The following SUGCT variants were observed in gnomAD, a reference collection of about 807,000 sequenced individuals.
SUGCT encodes succinyl-CoA:glutarate-CoA transferase, also known as succinyl-CoA:glutarate CoA-transferase.
In SUGCT, 41 loss-of-function variants were observed where a neutral mutation model predicts 55.0. The ratio of observed to expected loss-of-function variants is 0.74; its 90% CI spans 0.58 to 0.97. The LOEUF (loss-of-function observed/expected upper bound fraction) is 0.97. Among genes scored for constraint, SUGCT ranks in the 50% least tolerant of loss-of-function variants. The probability of loss-of-function intolerance (pLI) is 0.00; values close to 1 mark genes in which losing one functional copy is unlikely to be tolerated. For synonymous variants in SUGCT, 187 were observed against 200.4 expected (o/e 0.93, Z 0.56); for missense variants, 568 against 547.8 (o/e 1.04, Z -0.37).
chr7:40,184,680 T>A (rs1785398603), intron 3 of SUGCT, among the ~76,000 whole-genome samples: 1 of 152,130 alleles, frequency 6.6e-6, no homozygotes, highest in Non-Finnish European at 1.5e-5. Flanking sequence ...GCATTATTAT[T>A]TATGTTTCAA....
chr7:40,930,504 C>T, the SUGCT span, among the ~76,000 whole-genome samples: 1 of 152,132 alleles, frequency 6.6e-6, no homozygotes, highest in South Asian at 2.1e-4. Flanking sequence ...CTATAAATTA[C>T]CTTGGGCAGT....
chr7:40,471,916 A>G (rs1790421605), intron 11 of SUGCT, among the ~76,000 whole-genome samples: 1 of 152,162 alleles, frequency 6.6e-6, no homozygotes, highest in South Asian at 2.1e-4. Context: ...ATACTTCACA[A>G]AAACTGAAAA....
chr7:40,621,405 T>G (rs1799258560), intron 12 of SUGCT, among the ~76,000 whole-genome samples: 1 of 152,166 alleles, frequency 6.6e-6, no homozygotes, highest in African/African-American at 2.4e-5. Context: ...GCTGAGCTGC[T>G]TTTTATTCCC....
chr7:40,683,354 T>C (rs1784334636), intron 12 of SUGCT, among the ~76,000 whole-genome samples: 1 of 152,180 alleles, frequency 6.6e-6, no homozygotes, highest in South Asian at 2.1e-4. Context: ...AGGTTAGTTT[T>C]TCCACCTGTG....
At chr7:40,572,767 G>A (rs763410890) in intron 12 of SUGCT, among the ~76,000 whole-genome samples, 24 of 152,092 alleles carry the variant, frequency 1.6e-4, no homozygotes, top group African/African-American at 2.2e-4. Context: ...CAATTTCAGG[G>A]ATGCTGTGAT....
At chr7:40,888,896 C>T in the SUGCT span, among the ~76,000 whole-genome samples, 1 of 152,230 alleles carries the variant, frequency 6.6e-6, no homozygotes, top group Non-Finnish European at 1.5e-5. Flanking sequence ...GTTTCTGGAA[C>T]CAGAGCCATG....
At chr7:40,269,885 C>G (rs541846866) in intron 7 of SUGCT, among the ~76,000 whole-genome samples, 5 of 151,922 alleles carry the variant, frequency 3.3e-5, no homozygotes, top group Non-Finnish European at 7.4e-5. Flanking sequence ...GCCTTTAATC[C>G]CAGCACTTTG....
At chr7:40,515,139 G>A (rs1793164410) in intron 12 of SUGCT, among the ~76,000 whole-genome samples, 2 of 151,894 alleles carry the variant, frequency 1.3e-5, no homozygotes, top group African/African-American at 2.4e-5. Context: ...ATCAAAACAC[G>A]GAGCTGTTCC....
At chr7:40,614,563 G>A (rs1798905346) in intron 12 of SUGCT, among the ~76,000 whole-genome samples, 1 of 152,170 alleles carries the variant, frequency 6.6e-6, no homozygotes, top group South Asian at 2.1e-4. Context: ...AGGTGCACCA[G>A]CTTAATGGTA....
intron 12 of SUGCT, among the ~76,000 whole-genome samples, chr7:40,580,374 G>T (rs772785701): frequency 4.9e-4 from 74 of 152,100 alleles, no homozygotes; most frequent in Non-Finnish European, 2.2e-4. Flanking sequence ...TGTCCTATTA[G>T]CATTTAAACT....
At chr7:40,475,810 A>C (rs183358474) in intron 11 of SUGCT, among the ~76,000 whole-genome samples, 1 of 152,320 alleles carries the variant, frequency 6.6e-6, no homozygotes, top group Non-Finnish European at 1.5e-5. Flanking sequence ...AGAGGTGCTC[A>C]CTACTAAGTC....
chr7:41,005,261 A>G, the SUGCT span, among the ~76,000 whole-genome samples: 35 of 152,250 alleles, frequency 2.3e-4, no homozygotes, highest in Middle Eastern at 3.4e-3. Context: ...AGCTGAAGGT[A>G]TGCTCTGTGT....
chr7:40,142,377 T>A lies in SUGCT; in HGVS notation c.100+7257T>A, dbSNP rs183924657. On this transcript the variant is annotated intron_variant, in intron 1 of 13. Transcript: ENST00000335693. Reference sequence around the variant, plus strand: ...CTCTTGCATTTCCTTACGGCTCTTTTTCTTCAAACTTCTTTAACATGTCTT... The same window carrying A: ...CTCTTGCATTTCCTTACGGCTCTTTATCTTCAAACTTCTTTAACATGTCTT... Among the ~76,000 whole-genome samples, 984 of 152,362 alleles carry A rather than the reference T, an allele frequency of 6.5e-3. 34 individuals are homozygous for A. The highest frequency in any genetic ancestry group is 0.059 in the Admixed American group (905 of 15,302).
At chr7:40,336,744 C>T (rs896057845) in intron 9 of SUGCT, among the ~76,000 whole-genome samples, 1 of 152,070 alleles carries the variant, frequency 6.6e-6, no homozygotes, top group African/African-American at 2.4e-5. Flanking sequence ...GTGTCTCTAT[C>T]TCCTTCAGTT....
intron 12 of SUGCT, among the ~76,000 whole-genome samples, chr7:40,598,312 A>G (rs546491067): frequency 3.7e-4 from 56 of 152,302 alleles, no homozygotes; most frequent in African/African-American, 1.3e-3. Context: ...AGTTAGAGTG[A>G]TGATTCAGCC....
chr7:40,435,383 G>A (rs561939457), intron 9 of SUGCT, among the ~76,000 whole-genome samples: 496 of 152,232 alleles, frequency 3.3e-3, no homozygotes, highest in Non-Finnish European at 3.6e-3. Context: ...GCCTTTTTCA[G>A]TTGGTCCTTA....
At chr7:40,861,818 A>C (rs572220595), downstream of SUGCT, among the ~76,000 whole-genome samples, 1 of 152,156 alleles carries the variant, frequency 6.6e-6, no homozygotes, top group Non-Finnish European at 1.5e-5. Context: ...CTTTTTGTGG[A>C]CATCTTATTC....
intron 13 of SUGCT, among the ~76,000 whole-genome samples, chr7:40,820,674 A>G (rs1374275801): frequency 4.6e-5 from 7 of 152,280 alleles, no homozygotes; most frequent in East Asian, 3.9e-4. Context: ...GGCTGAGACA[A>G]TGGGGTTTTC....
chr7:41,036,012 G>A, the SUGCT span, among the ~76,000 whole-genome samples: 10 of 152,240 alleles, frequency 6.6e-5, no homozygotes, highest in African/African-American at 2.4e-4. Context: ...TCAACAGACA[G>A]ATGAGCGTCT....
Sources: gnomAD v4.1 joint callset for allele counts (sites outside exome capture counted in the v4.1 genomes callset) on GRCh38, gnomAD v4.1.1 for gene constraint, MANE v1.5 for transcripts, NCBI Gene and HGNC (gene_info 2026-07-23, HGNC 2026-07-21) for gene names.